Variants in IPMK observed in about 807,000 individuals in gnomAD.
The protein encoded by IPMK is inositol polyphosphate multikinase, also known as inositol 1,3,4,6-tetrakisphosphate 5-kinase.
IPMK carries 17 observed loss-of-function variants against 45.8 expected under a neutral mutation model. That is an observed-to-expected ratio of 0.37 (90% CI 0.25 to 0.56). IPMK has a LOEUF of 0.56. Among genes scored for constraint, IPMK ranks in the 20% least tolerant of loss-of-function variants. The pLI, the probability that IPMK is intolerant of heterozygous loss-of-function variation, is 0.79. For synonymous variants in IPMK, 180 were observed against 184.3 expected, an observed-to-expected ratio of 0.98 and a Z score of 0.19; for missense variants, 399 against 498.0, an observed-to-expected ratio of 0.80 and a Z score of 1.89.
chr10:58,232,594 G>A (rs998681623), intron 2 of IPMK, among the ~76,000 whole-genome samples: 5 of 152,142 alleles, frequency 3.3e-5, no homozygotes, highest in East Asian at 1.9e-4. Context: ...GGTACATAAC[G>A]AAATGAAAGC....
chr10:58,255,913 AT>A (rs1388519911), intron 1 of IPMK, among the ~76,000 whole-genome samples: 1 of 152,192 alleles, frequency 6.6e-6, no homozygotes, highest in Non-Finnish European at 1.5e-5. Flanking sequence ...CTGAACAGAA[AT>A]TGTTAAGATT....
At chr10:58,209,878 G>T (rs998314522) in intron 4 of IPMK, among the ~76,000 whole-genome samples, 3 of 152,230 alleles carry the variant, frequency 2.0e-5, no homozygotes, top group Non-Finnish European at 4.4e-5. Flanking sequence ...TTGGCCTCCA[G>T]CCAGGAGGTA....
At chr10:58,241,123 T>C (rs1838690997) in intron 1 of IPMK, among the ~76,000 whole-genome samples, 1 of 151,986 alleles carries the variant, frequency 6.6e-6, no homozygotes, top group Non-Finnish European at 1.5e-5. Flanking sequence ...ACTTTAGAGG[T>C]CTCCTACTGC....
intron 1 of IPMK, among the ~76,000 whole-genome samples, chr10:58,247,968 TC>T (rs1838826825): frequency 6.6e-6 from 1 of 152,166 alleles, no homozygotes; most frequent in Non-Finnish European, 1.5e-5. Flanking sequence ...ACAGACTTTT[TC>T]CTTTATGTAT....
At position 58,267,566 on chromosome 10, in the gene IPMK, G is replaced by C; in HGVS notation, c.46C>G (p.Pro16Ala). The C allele has an allele frequency of 3.1e-6, 5 of 1,609,562 alleles. No homozygotes were observed. Among genetic ancestry groups the C allele is most frequent in the Non-Finnish European group, 4.2e-6 (5 of 1,178,300 alleles). The change falls in exon 1 of 6, where the codon CCC becomes GCC. Residue 16 changes from proline (P) to alanine (A), a missense_variant. This residue lies in a region of IPMK where 111 missense variants were observed against 99.9 expected (regional missense o/e 1.11). Coordinates refer to ENST00000373935, the MANE Select transcript of IPMK (RefSeq NM_152230.5). ...PSPLRVEAPG[P>A]PEMRTSPAIE... ...GCCGGTGAGGTCCGCATTTCTGGGG[G>C]GCCCGGCGCCTCGACCCGGAGGGGG...
At chr10:58,249,801 T>A (rs773510251) in intron 1 of IPMK, among the ~76,000 whole-genome samples, 7 of 152,216 alleles carry the variant, frequency 4.6e-5, no homozygotes, top group Non-Finnish European at 8.8e-5. Flanking sequence ...TTCTTCAGTA[T>A]TTTATTCTAG....
intron 1 of IPMK, among the ~76,000 whole-genome samples, chr10:58,259,673 A>T (rs1027242785): frequency 6.9e-6 from 1 of 144,074 alleles, no homozygotes; most frequent in Non-Finnish European, 1.5e-5. Flanking sequence ...TCTCTACATA[A>T]AAAAAAAAAA....
intron 1 of IPMK, among the ~76,000 whole-genome samples, chr10:58,253,148 T>A (rs1838909907): frequency 6.6e-6 from 1 of 152,162 alleles, no homozygotes; most frequent in Admixed American, 6.5e-5. Flanking sequence ...TCTGATAGTT[T>A]TATAAATGGA....
intron 5 of IPMK, among the ~76,000 whole-genome samples, chr10:58,197,937 G>A (rs556753149): frequency 3.9e-4 from 54 of 139,080 alleles, no homozygotes; most frequent in South Asian, 6.7e-4. Context: ...GCTGAGGCAC[G>A]AGAATCACCT....
intron 4 of IPMK, among the ~76,000 whole-genome samples, chr10:58,213,794 G>T (rs1367700402): frequency 1.3e-5 from 2 of 152,184 alleles, no homozygotes; most frequent in African/African-American, 4.8e-5. Flanking sequence ...TAGATTCAAA[G>T]AAGAATGTTT....
chr10:58,213,985 CG>C (rs1206025163), intron 4 of IPMK, among the ~76,000 whole-genome samples: 2 of 152,038 alleles, frequency 1.3e-5, no homozygotes, highest in Non-Finnish European at 2.9e-5. Context: ...ATAGAAATAA[CG>C]AGTTTGGTTG....
At chr10:58,241,033 T>G (rs1175049033) in intron 1 of IPMK, among the ~76,000 whole-genome samples, 1 of 152,118 alleles carries the variant, frequency 6.6e-6, no homozygotes, top group Non-Finnish European at 1.5e-5. Context: ...GACAAGCCAT[T>G]GTGGATGGCA....
rs185463429 is a variant in IPMK, at chr10:58,254,453, T to A, written c.190+12969A>T. Among the ~76,000 whole-genome samples the A allele has an allele frequency of 1.4e-4, 22 of 152,276 alleles. No homozygotes were observed. In the East Asian group the frequency reaches 3.5e-3, roughly 24 times the overall value. ...TCTGGAGTGTTTTCCAAATTTCATT[T>A]AGATTTCTATCCATATTTTCTTGTG... On this transcript the variant is annotated intron_variant, in intron 1 of 5. Coordinates refer to ENST00000373935, the MANE Select transcript of IPMK (RefSeq NM_152230.5).
At chr10:58,220,377 T>G (rs1451136243) in intron 3 of IPMK, among the ~76,000 whole-genome samples, 1 of 152,198 alleles carries the variant, frequency 6.6e-6, no homozygotes, top group Admixed American at 6.5e-5. Flanking sequence ...TTTTCCTTGT[T>G]GCTTAATCAT....
At chr10:58,208,434 T>A (rs1838104986) in intron 4 of IPMK, among the ~76,000 whole-genome samples, 1 of 152,112 alleles carries the variant, frequency 6.6e-6, no homozygotes, top group Admixed American at 6.5e-5. Context: ...ATTAGTTTTC[T>A]AATTCCTTCT....
intron 4 of IPMK, among the ~76,000 whole-genome samples, chr10:58,199,544 G>T (rs963362272): frequency 2.0e-4 from 31 of 152,092 alleles, no homozygotes; most frequent in Admixed American, 5.9e-4. Flanking sequence ...AAGGATAGAT[G>T]AATATTTCCA....
intron 4 of IPMK, among the ~76,000 whole-genome samples, chr10:58,201,824 T>TAA (rs1408506681): frequency 3.9e-5 from 6 of 152,168 alleles, no homozygotes; most frequent in African/African-American, 1.4e-4. Flanking sequence ...TTCAGAGTGC[T>TAA]AACTACAGTA....
At chr10:58,235,019 C>T (rs1179663149) in intron 2 of IPMK, among the ~76,000 whole-genome samples, 6 of 152,174 alleles carry the variant, frequency 3.9e-5, no homozygotes, top group African/African-American at 1.4e-4. Context: ...TATGAACAGA[C>T]ACTTCTCAAA....
intron 3 of IPMK, among the ~76,000 whole-genome samples, chr10:58,223,038 G>T (rs1191907542): frequency 6.6e-6 from 1 of 152,106 alleles, no homozygotes; most frequent in African/African-American, 2.4e-5. Flanking sequence ...ACTACACACT[G>T]GGTACAGTGT....
Sources: gnomAD v4.1 joint callset for allele counts (sites outside exome capture counted in the v4.1 genomes callset) on GRCh38, gnomAD v4.1.1 for gene constraint, gnomAD v4.1.1 regional missense constraint, MANE v1.5 for transcripts, NCBI Gene and HGNC (gene_info 2026-07-23, HGNC 2026-07-21) for gene names.